Variants in ABCA10 observed in about 807,000 individuals in gnomAD.
The protein encoded by ABCA10 is ATP-binding cassette sub-family A member 10.
Under a neutral mutation model 187.5 loss-of-function variants are expected in ABCA10, and 169 were observed. The ratio of observed to expected loss-of-function variants is 0.90; its 90% CI spans 0.80 to 1.02. ABCA10 has a LOEUF of 1.02. ABCA10 is among the 50% of genes least tolerant of loss of function. ABCA10 has a pLI of 0.00. For missense variants in ABCA10, 1,727 were observed against 1,812.4 expected (o/e 0.95, Z 0.86); for synonymous variants, 574 against 601.8 (o/e 0.95, Z 0.68).
Position 69,155,131 on chromosome 17 carries a change from T to C in ABCA10, c.3582A>G (p.Pro1194=). ...TGTGTAAACAGCTTGCAGTTATGAC[T>C]GGTTCCTGGAAAACATGACAAAGCA... The part of the protein sequence containing the change: ...ALTAPNLEEE[P]VITASCLHKE... Residue 1194 remains proline, a synonymous_variant, in exon 30 of 39, where the codon CCA becomes CCG. Coordinates refer to ENST00000690296, the MANE Select transcript of ABCA10 (RefSeq NM_001377321.1). The C allele has an allele frequency of 1.3e-6, 2 of 1,598,382 alleles. No homozygotes were observed. Among genetic ancestry groups the C allele is most frequent in the East Asian group, 2.2e-5 (1 of 44,652 alleles).
At chr17:69,241,352 T>C (rs977992291) in intron 1 of ABCA10, among the ~76,000 whole-genome samples, 20 of 152,222 alleles carry the variant, frequency 1.3e-4, no homozygotes, top group African/African-American at 4.6e-4. Flanking sequence ...TCAAATGCAA[T>C]GGCCTCCTAA....
At chr17:69,165,719 A>G (rs912606267) in intron 25 of ABCA10, among the ~76,000 whole-genome samples, 3 of 152,174 alleles carry the variant, frequency 2.0e-5, no homozygotes, top group Non-Finnish European at 4.4e-5. Flanking sequence ...CTTGAATAAC[A>G]TTAGTTTATT....
chr17:69,234,699 C>T (rs1300183829), intron 1 of ABCA10: 1 of 152,196 alleles, frequency 6.6e-6, no homozygotes, highest in Non-Finnish European at 1.5e-5. Flanking sequence ...ATTATGTCAT[C>T]TTGCTGGCAT....
At chr17:69,240,925 T>C (rs377041677) in intron 1 of ABCA10, among the ~76,000 whole-genome samples, 3 of 152,364 alleles carry the variant, frequency 2.0e-5, no homozygotes, top group African/African-American at 7.2e-5. Context: ...GTTTCACTAC[T>C]GCTAGGGCCT....
chr17:69,235,004 A>AT (rs2074857832), intron 1 of ABCA10: 1 of 152,202 alleles, frequency 6.6e-6, no homozygotes, highest in South Asian at 2.1e-4. Context: ...AAATTAACTA[A>AT]TTTTTCTGAA....
At position 69,219,761 on chromosome 17, in the gene ABCA10, T is replaced by TTTG. The variant is rs2074732646; in HGVS notation, c.311_313dup (p.Thr104dup). 1 of 1,582,966 alleles carries TTTG rather than the reference T, an allele frequency of 6.3e-7. No individual in the cohort carries two copies. The highest frequency in any genetic ancestry group is 8.6e-7 in the Non-Finnish European group (1 of 1,165,128). On this transcript the variant is annotated inframe_insertion, in exon 6 of 39. Coordinates refer to ENST00000690296, the MANE Select transcript of ABCA10 (RefSeq NM_001377321.1). ...TGTCAACTCCTCCATTACAGAATGA[T>TTTG]TTGTTGTGACCTAAATTGGGACATT...
intron 9 of ABCA10, 103 bp from the exon 10 acceptor site, chr17:69,201,771 A>G: frequency 2.0e-6 from 2 of 988,112 alleles, no homozygotes; most frequent in South Asian, 4.9e-5. Context: ...TAAGTTATTT[A>G]TCTTGGGCAT....
chr17:69,211,805 T>C (rs1034570005), intron 9 of ABCA10, among the ~76,000 whole-genome samples: 5 of 152,190 alleles, frequency 3.3e-5, no homozygotes, highest in Non-Finnish European at 5.9e-5. Context: ...TGATCTTTTG[T>C]ACTTCTGTGT....
At chr17:69,177,741 G>A (rs541394758) in intron 22 of ABCA10, among the ~76,000 whole-genome samples, 2 of 151,542 alleles carry the variant, frequency 1.3e-5, no homozygotes, top group African/African-American at 2.4e-5. Flanking sequence ...ATCACCTGAG[G>A]TCAGGAGTTT....
At chr17:69,207,940 A>G (rs2074603856) in intron 9 of ABCA10, among the ~76,000 whole-genome samples, 1 of 152,212 alleles carries the variant, frequency 6.6e-6, no homozygotes, top group Non-Finnish European at 1.5e-5. Context: ...ACTACAAAGA[A>G]TAAGTATATG....
chr17:69,214,839 C>T lies in ABCA10; in HGVS notation c.871G>A (p.Asp291Asn). 6.7e-7 allele frequency: 1 copy of T among 1,497,012 alleles called. No individual in the cohort carries two copies. The highest frequency in any genetic ancestry group is 8.9e-7 in the Non-Finnish European group (1 of 1,126,556). 92.7% of individuals were successfully genotyped at this position (1,497,012 alleles called of 1,614,324 possible). The part of the protein sequence containing the change: ...TAGMAQITHL[D>N]NYLSGVIFPD... ...AAAATAACACCACTTAAGTAATTATCCAGGTGTGTAATCTGAGATTTAAAA... is the reference window on the plus strand; with the variant it reads ...AAAATAACACCACTTAAGTAATTATTCAGGTGTGTAATCTGAGATTTAAAA... Residue 291 changes from aspartate (D) to asparagine (N), a missense_variant, in exon 9 of 39, where the codon GAT (aspartate) becomes AAT (asparagine). Asp to Asn is a conservative substitution (Grantham distance 23, BLOSUM62 1). Transcript: ENST00000690296.
At chr17:69,242,541 T>G (rs1451438581) in intron 1 of ABCA10, among the ~76,000 whole-genome samples, 1 of 152,224 alleles carries the variant, frequency 6.6e-6, no homozygotes, top group East Asian at 1.9e-4. Flanking sequence ...CTTGGCTCAC[T>G]GCAACCTCTG....
At chr17:69,212,877 C>G (rs899288575) in intron 9 of ABCA10, among the ~76,000 whole-genome samples, 1 of 152,136 alleles carries the variant, frequency 6.6e-6, no homozygotes, top group Non-Finnish European at 1.5e-5. Flanking sequence ...ACAGCAGATA[C>G]TTGGTTGGTG....
intron 27 of ABCA10, among the ~76,000 whole-genome samples, chr17:69,160,088 G>A (rs911457970): frequency 2.0e-5 from 3 of 152,014 alleles, no homozygotes; most frequent in Admixed American, 1.3e-4. Flanking sequence ...TATTCAATAC[G>A]ACACTAAAAA....
intron 8 of ABCA10, 157 bp downstream of exon 8, chr17:69,215,658 G>T: frequency 5.9e-6 from 4 of 676,238 alleles, no homozygotes; most frequent in Non-Finnish European, 8.8e-6. Context: ...TTATCCATTT[G>T]ATAAAACTTT....
At chr17:69,218,836 G>C (rs1264574584) in intron 6 of ABCA10, among the ~76,000 whole-genome samples, 1 of 152,162 alleles carries the variant, frequency 6.6e-6, no homozygotes, top group African/African-American at 2.4e-5. Flanking sequence ...CCGGGCCTCA[G>C]TGACACTGTG....
chr17:69,162,816 T>TATACATATACAC (rs2074226685), intron 27 of ABCA10, among the ~76,000 whole-genome samples: 2 of 62,708 alleles, frequency 3.2e-5, no homozygotes, highest in African/African-American at 1.8e-4. Context: ...CATATATACA[T>TATACATATACAC]ATACATATAC....
At chr17:69,169,370 T>C (rs74708308) in intron 25 of ABCA10, among the ~76,000 whole-genome samples, 2,597 of 152,310 alleles carry the variant, frequency 0.017, 45 homozygotes, top group Non-Finnish European at 0.024. Context: ...ACAAAACAGA[T>C]GTTTCTAAAA....
At chr17:69,183,753 C>A (rs898866332) in intron 20 of ABCA10, among the ~76,000 whole-genome samples, 1 of 151,978 alleles carries the variant, frequency 6.6e-6, no homozygotes, top group East Asian at 1.9e-4. Flanking sequence ...TCAGAGGGGT[C>A]CTTGGGGAGG....
Sources: allele counts gnomAD v4.1 joint callset (sites outside exome capture counted in the v4.1 genomes callset), GRCh38; gene constraint gnomAD v4.1.1; transcripts MANE v1.5; gene names NCBI Gene and HGNC (gene_info 2026-07-23, HGNC 2026-07-21).